ARHGAP6: variants seen among roughly 807,000 people sequenced by gnomAD.
The protein encoded by ARHGAP6 is rho GTPase-activating protein 6.
ARHGAP6 carries 16 observed loss-of-function variants against 55.7 expected under a neutral mutation model. That is an observed-to-expected ratio of 0.29 (90% CI 0.19 to 0.44). The LOEUF is 0.44. Among genes scored for constraint, ARHGAP6 ranks in the 20% least tolerant of loss-of-function variants. The pLI, the probability that ARHGAP6 is intolerant of heterozygous loss-of-function variation, is 1.00. For synonymous variants in ARHGAP6, 382 were observed against 360.9 expected, an observed-to-expected ratio of 1.06 and a Z score of -0.66; for missense variants, 698 against 808.9, an observed-to-expected ratio of 0.86 and a Z score of 1.66.
At chrX:11,621,069 T>C (rs976415936) in intron 1 of ARHGAP6, among the ~76,000 whole-genome samples, 1 of 111,654 alleles carries the variant, frequency 9.0e-6, no homozygotes. Flanking sequence ...AAATGTGGTT[T>C]TGTCCTGGGG....
intron 1 of ARHGAP6, among the ~76,000 whole-genome samples, chrX:11,359,655 C>T (rs1482987910): frequency 9.0e-6 from 1 of 111,716 alleles, no homozygotes; most frequent in African/African-American, 3.3e-5. Context: ...TAACTAAAAT[C>T]AGAGCAGAAC....
chrX:11,330,036 T>C (rs1490722602), intron 1 of ARHGAP6, among the ~76,000 whole-genome samples: 2 of 113,147 alleles, frequency 1.8e-5, no homozygotes, highest in East Asian at 5.5e-4. Context: ...GCCACCATTT[T>C]ACAATAACAA....
At chrX:11,164,833 G>T (rs980631924) in intron 9 of ARHGAP6, among the ~76,000 whole-genome samples, 8 of 112,479 alleles carry the variant, frequency 7.1e-5, no homozygotes, top group African/African-American at 2.6e-4. Context: ...TCTCCATTCT[G>T]CTCTGAAGTT....
intron 1 of ARHGAP6, among the ~76,000 whole-genome samples, chrX:11,346,190 C>A (rs2048781703): frequency 9.0e-6 from 1 of 111,651 alleles, no homozygotes. Context: ...CAATTTTTCT[C>A]CCAGAGTAGG....
intron 2 of ARHGAP6, among the ~76,000 whole-genome samples, chrX:11,238,531 G>A: frequency 8.9e-6 from 1 of 112,205 alleles, no homozygotes; most frequent in Middle Eastern, 4.6e-3. Flanking sequence ...GACTAAACAT[G>A]GTGGATGAAG....
At chrX:11,470,730 G>C (rs1026968748) in intron 1 of ARHGAP6, among the ~76,000 whole-genome samples, 1 of 112,128 alleles carries the variant, frequency 8.9e-6, no homozygotes, top group Non-Finnish European at 1.9e-5. Context: ...GAAGTTGAAA[G>C]ATTACTTTCA....
chrX:11,309,313 C>T (rs1227621300), intron 1 of ARHGAP6, among the ~76,000 whole-genome samples: 3 of 111,374 alleles, frequency 2.7e-5, no homozygotes, highest in South Asian at 3.9e-4. Flanking sequence ...ATACTCCCCA[C>T]GCAGAGCCCC....
intron 1 of ARHGAP6, among the ~76,000 whole-genome samples, chrX:11,566,412 C>T (rs150084313): frequency 2.6e-4 from 29 of 112,322 alleles, no homozygotes; most frequent in Middle Eastern, 4.6e-3. Context: ...AGTTCCCCTG[C>T]CCTACAGCTA....
At chrX:11,405,184 C>T (rs915498133) in intron 1 of ARHGAP6, among the ~76,000 whole-genome samples, 4 of 111,827 alleles carry the variant, frequency 3.6e-5, no homozygotes, top group Non-Finnish European at 7.5e-5. Context: ...GGGCAAACTG[C>T]TGTCCCTCTG....
At chrX:11,461,268 G>T (rs1351429788) in intron 1 of ARHGAP6, among the ~76,000 whole-genome samples, 2 of 112,283 alleles carry the variant, frequency 1.8e-5, no homozygotes, top group Non-Finnish European at 3.8e-5. Context: ...TACAGGCTGT[G>T]GGGAAGGAAT....
intron 1 of ARHGAP6, among the ~76,000 whole-genome samples, chrX:11,299,310 C>T (rs772248315): frequency 2.7e-5 from 3 of 111,834 alleles, no homozygotes; most frequent in Non-Finnish European, 5.6e-5. Context: ...TATCAGTTCT[C>T]CTTATATTTC....
At chrX:11,175,735 T>C (rs772976273) in intron 8 of ARHGAP6, among the ~76,000 whole-genome samples, 1 of 111,106 alleles carries the variant, frequency 9.0e-6, no homozygotes, top group South Asian at 3.9e-4. Context: ...TGGCATCTAG[T>C]GGGAAGAGGC....
intron 1 of ARHGAP6, among the ~76,000 whole-genome samples, chrX:11,473,073 C>T (rs2050364322): frequency 9.0e-6 from 1 of 111,146 alleles, no homozygotes; most frequent in Admixed American, 9.6e-5. Context: ...TCCGGTTTCC[C>T]TCCAAACATT....
intron 1 of ARHGAP6, among the ~76,000 whole-genome samples, chrX:11,599,618 G>A (rs1332228959): frequency 8.9e-6 from 1 of 111,856 alleles, no homozygotes; most frequent in Admixed American, 9.5e-5. Context: ...GTTTTCAGGG[G>A]CTGGGGGAAC....
chrX:11,381,203 T>G lies in ARHGAP6; in HGVS notation c.589-126496A>C, dbSNP rs111621349. 6.1e-3 allele frequency among the ~76,000 whole-genome samples: 684 copies of G among 112,641 alleles called. 4 individuals carry two copies. Among genetic ancestry groups the G allele is most frequent in the African/African-American group, 0.021 (654 of 31,033 alleles). ...ACTCTGTTTGGAAGGTAAGCAGAGT[T>G]ACCTACCTAGAAGGGTAAGTTTCCG... On this transcript the variant is annotated intron_variant, in intron 1 of 12. Coordinates refer to ENST00000337414, the MANE Select transcript of ARHGAP6 (RefSeq NM_013427.3).
At chrX:11,172,503 A>AT (rs1429379809) in intron 8 of ARHGAP6, among the ~76,000 whole-genome samples, 1 of 103,910 alleles carries the variant, frequency 9.6e-6, no homozygotes, top group Admixed American at 1.0e-4. Flanking sequence ...GGGTTTTCTC[A>AT]TTTTTTAAAA....
chrX:11,362,326 T>C (rs1473710205), intron 1 of ARHGAP6, among the ~76,000 whole-genome samples: 1 of 111,077 alleles, frequency 9.0e-6, no homozygotes, highest in African/African-American at 3.3e-5. Flanking sequence ...TATGCAGCCA[T>C]AAAAAATGAT....
At chrX:11,535,579 A>T (rs2051095462) in intron 1 of ARHGAP6, among the ~76,000 whole-genome samples, 1 of 111,604 alleles carries the variant, frequency 9.0e-6, no homozygotes, top group Non-Finnish European at 1.9e-5. Flanking sequence ...GTACTATAAA[A>T]GGAAGTTTTA....
chrX:11,508,852 T>TACACAC (rs199575300), intron 1 of ARHGAP6, among the ~76,000 whole-genome samples: 6,156 of 101,893 alleles, frequency 0.06, 244 homozygotes, highest in East Asian at 0.15. Context: ...CAACTCATAC[T>TACACAC]ACACACACAC....
Sources: allele counts gnomAD v4.1 joint callset (sites outside exome capture counted in the v4.1 genomes callset), GRCh38; gene constraint gnomAD v4.1.1; transcripts MANE v1.5; gene names NCBI Gene and HGNC (gene_info 2026-07-23, HGNC 2026-07-21).